The following NPRL3 variants were observed in gnomAD, a reference collection of about 807,000 sequenced individuals.
NPRL3 encodes the protein GATOR1 complex protein NPRL3.
A neutral mutation model predicts 57.2 loss-of-function variants in NPRL3; 23 were observed. The ratio of observed to expected loss-of-function variants is 0.40; its 90% CI spans 0.29 to 0.57. The LOEUF is 0.57. Among genes scored for constraint, NPRL3 ranks in the 20% least tolerant of loss-of-function variants. NPRL3 has a pLI of 0.42. For missense variants in NPRL3, 691 were observed against 767.1 expected, an observed-to-expected ratio of 0.90 and a Z score of 1.17; for synonymous variants, 333 against 321.1, an observed-to-expected ratio of 1.04 and a Z score of -0.39.
At chr16:108,416 G>T (rs1293573625) in intron 7 of NPRL3, among the ~76,000 whole-genome samples, 1 of 152,042 alleles carries the variant, frequency 6.6e-6, no homozygotes, top group African/African-American at 2.4e-5. Flanking sequence ...GTGTGTTGCT[G>T]GTGGGACAGA....
rs11304941 is a variant in NPRL3, at chr16:99,959, CAAAAAA to C, written c.767+407_767+412del. 4.9e-5 allele frequency among the ~76,000 whole-genome samples: 3 copies of C among 61,022 alleles called. No homozygotes were observed. In the East Asian group the frequency reaches 1.9e-3, roughly 38 times the overall value. The allele number at this position is 61,022 out of a possible 152,430, so 40.0% of individuals were successfully genotyped here. On this transcript the variant is annotated intron_variant, in intron 8 of 13. Coordinates refer to ENST00000611875, the MANE Select transcript of NPRL3 (RefSeq NM_001077350.3). ...TCTCTCACACACACACACACCCCCGCAAAAAAAAAAAAAAAAAAGAAAAAGAAAAAA... is the reference window on the plus strand; with the variant it reads ...TCTCTCACACACACACACACCCCCGCAAAAAAAAAAAAGAAAAAGAAAAAA...
At chr16:134,399 G>C (rs1409339750) in intron 2 of NPRL3, among the ~76,000 whole-genome samples, 6 of 152,104 alleles carry the variant, frequency 3.9e-5, no homozygotes, top group Admixed American at 2.0e-4. Flanking sequence ...TCTAAGAAGA[G>C]TGCAAAAGGC....
chr16:91,625 AG>A (rs1898767316), intron 11 of NPRL3, among the ~76,000 whole-genome samples: 1 of 152,248 alleles, frequency 6.6e-6, no homozygotes. Context: ...CTCAGCTCCC[AG>A]AAACCAAGGG....
At chr16:89,572 G>A (rs1416885960) in intron 12 of NPRL3, 141 bp downstream of exon 12, 8 of 746,114 alleles carry the variant, frequency 1.1e-5, no homozygotes, top group South Asian at 2.3e-5. Flanking sequence ...GTGTCTCCAC[G>A]GGGGACACGA....
At chr16:93,574 T>C in intron 9 of NPRL3, among the ~76,000 whole-genome samples, 1 of 151,846 alleles carries the variant, frequency 6.6e-6, no homozygotes, top group East Asian at 1.9e-4. Context: ...GTTTTTTTTT[T>C]TTTTTTTTTG....
chr16:108,402 T>C (rs1049885292), intron 7 of NPRL3, among the ~76,000 whole-genome samples: 1 of 152,058 alleles, frequency 6.6e-6, no homozygotes, highest in African/African-American at 2.4e-5. Context: ...GGAAGAGGCA[T>C]CTCGTGTGTT....
intron 3 of NPRL3, among the ~76,000 whole-genome samples, chr16:127,837 G>A (rs977256324): frequency 6.6e-6 from 1 of 151,024 alleles, no homozygotes; most frequent in Admixed American, 6.6e-5. Flanking sequence ...TGTATTTTTA[G>A]TAGAGATGGG....
intron 2 of NPRL3, among the ~76,000 whole-genome samples, chr16:137,523 G>A (rs1238411206): frequency 6.6e-6 from 1 of 151,862 alleles, no homozygotes; most frequent in South Asian, 2.1e-4. Flanking sequence ...ACTGGGGGTG[G>A]CAAAGACAAC....
intron 2 of NPRL3, among the ~76,000 whole-genome samples, chr16:133,815 A>G (rs562182822): frequency 6.6e-6 from 1 of 152,354 alleles, no homozygotes; most frequent in East Asian, 1.9e-4. Flanking sequence ...TTAATGTGAG[A>G]AACATGTGAT....
intron 3 of NPRL3, 28 bp downstream of exon 3, chr16:130,494 C>T (rs956380049): frequency 2.5e-5 from 38 of 1,544,156 alleles, no homozygotes; most frequent in African/African-American, 4.1e-5. Context: ...GGACACGCCC[C>T]GCCCTGAAGT....
Position 86,633 on chromosome 16 carries a change from G to C in NPRL3, c.*72C>G. The C allele has an allele frequency of 6.9e-7, 1 of 1,444,820 alleles. No individual in the cohort carries two copies. Among genetic ancestry groups the C allele is most frequent in the South Asian group, 1.3e-5 (1 of 77,676 alleles). The allele number at this position is 1,444,820 out of a possible 1,614,324, so 89.5% of individuals were successfully genotyped here. On this transcript the variant is annotated 3_prime_UTR_variant, in exon 14 of 14. Transcript: ENST00000611875. Reference sequence around the variant, plus strand: ...CCAAGAGGGCTCAGCCTCAGCACGGGGGGAGCCCTGGGGTGGGGAGACGCG... The same window carrying C: ...CCAAGAGGGCTCAGCCTCAGCACGGCGGGAGCCCTGGGGTGGGGAGACGCG...
Position 92,854 on chromosome 16 carries a change from G to C in NPRL3, c.1032-129C>G, listed in dbSNP as rs572378585. ...AGGACAGTGCGATGAGGGCAGAACGGTATGAGGCCAGGCAGGCCTCCAGGT... is the reference window on the plus strand; with the variant it reads ...AGGACAGTGCGATGAGGGCAGAACGCTATGAGGCCAGGCAGGCCTCCAGGT... On this transcript the variant is annotated intron_variant, in intron 10 of 13. Coordinates refer to ENST00000611875, the MANE Select transcript of NPRL3 (RefSeq NM_001077350.3). The C allele has an allele frequency of 1.9e-4, 234 of 1,240,532 alleles. No individual in the cohort carries two copies. The South Asian group carries it at 3.0e-3, about 16-fold the overall frequency. 76.8% of individuals were successfully genotyped at this position (1,240,532 alleles called of 1,614,324 possible). A position where few individuals can be genotyped will look rare whatever the true frequency, so the allele number is the denominator to read the frequency against.
chr16:129,223 G>A (rs1023668392), intron 3 of NPRL3, among the ~76,000 whole-genome samples: 1 of 152,182 alleles, frequency 6.6e-6, no homozygotes, highest in Admixed American at 6.5e-5. Context: ...AATGTGGGGG[G>A]TGGCCAGCAG....
Position 115,431 on chromosome 16 carries a change from T to C in NPRL3, c.393+1870A>G, listed in dbSNP as rs1451643401. 2.6e-5 allele frequency among the ~76,000 whole-genome samples: 4 copies of C among 151,936 alleles called. No individual in the cohort carries two copies. The East Asian group carries it at 7.7e-4, about 29-fold the overall frequency. ...TACAAACTCTTTACATTATCAAAATTTCTCCTACTCGTCAATATCACGGCC... is the reference window on the plus strand; with the variant it reads ...TACAAACTCTTTACATTATCAAAATCTCTCCTACTCGTCAATATCACGGCC... On this transcript the variant is annotated intron_variant, in intron 5 of 13. Transcript: ENST00000611875.
At chr16:108,888 T>C (rs1382363324) in intron 7 of NPRL3, among the ~76,000 whole-genome samples, 1 of 151,868 alleles carries the variant, frequency 6.6e-6, no homozygotes, top group Non-Finnish European at 1.5e-5. Context: ...GCCAGGCTGG[T>C]CTCGAACTCC....
At chr16:119,103 C>CACCTGCCCAGGGAGAGCCAT (rs750614049) in intron 4 of NPRL3, 23 bp downstream of exon 4, 2 of 1,610,942 alleles carry the variant, frequency 1.2e-6, no homozygotes, top group South Asian at 1.1e-5. Flanking sequence ...GGGAGAGCCC[C>CACCTGCCCAGGGAGAGCCAT]ACCTGCCCAG....
At chr16:110,733 A>T (rs1899770838) in intron 6 of NPRL3, 127 bp from the exon 7 acceptor site, 1 of 692,016 alleles carries the variant, frequency 1.4e-6, no homozygotes, top group African/African-American at 1.8e-5. Context: ...TATTTTTGGT[A>T]GAGACAGGTA....
chr16:132,639 T>C (rs959510424), intron 2 of NPRL3, among the ~76,000 whole-genome samples: 4 of 152,136 alleles, frequency 2.6e-5, no homozygotes, highest in Non-Finnish European at 4.4e-5. Flanking sequence ...TCACTATCTA[T>C]GGCAGCTATA....
intron 3 of NPRL3, among the ~76,000 whole-genome samples, chr16:124,681 T>C (rs1016877660): frequency 2.6e-5 from 4 of 152,258 alleles, no homozygotes; most frequent in Non-Finnish European, 5.9e-5. Flanking sequence ...CCTAAGCCTC[T>C]GCCTGGAGCA....
Sources: gnomAD v4.1 joint callset for allele counts (sites outside exome capture counted in the v4.1 genomes callset) on GRCh38, gnomAD v4.1.1 for gene constraint, MANE v1.5 for transcripts, NCBI Gene and HGNC (gene_info 2026-07-23, HGNC 2026-07-21) for gene names.